Variants in STPG4 observed in about 807,000 individuals in gnomAD.
STPG4 encodes protein STPG4.
Under a neutral mutation model 31.5 loss-of-function variants are expected in STPG4, and 41 were observed. The observed-to-expected ratio is 1.30, with a 90% CI of 1.01 to 1.69. The LOEUF (loss-of-function observed/expected upper bound fraction) is 1.69, where lower values mean the gene tolerates loss of function less well. STPG4 is among the 40% of genes most tolerant of loss of function. The probability of loss-of-function intolerance (pLI) is 0.00; values close to 1 mark genes in which losing one functional copy is unlikely to be tolerated. For missense variants in STPG4, 375 were observed against 293.4 expected (o/e 1.28, Z -2.03); for synonymous variants, 141 against 103.0 (o/e 1.37, Z -2.24).
At chr2:47,148,853 C>T (rs1686879560) in intron 3 of STPG4, among the ~76,000 whole-genome samples, 1 of 152,198 alleles carries the variant, frequency 6.6e-6, no homozygotes, top group Non-Finnish European at 1.5e-5. Flanking sequence ...CTACAAAAGA[C>T]ATGAACTCAT....
intron 1 of STPG4, among the ~76,000 whole-genome samples, chr2:47,153,731 T>A (rs1686978756): frequency 6.6e-6 from 1 of 151,894 alleles, no homozygotes; most frequent in Admixed American, 6.6e-5. Flanking sequence ...CGAGATCACA[T>A]CACTGCAACT....
chr2:47,128,639 G>A (rs1686410105), intron 5 of STPG4, among the ~76,000 whole-genome samples: 1 of 152,132 alleles, frequency 6.6e-6, no homozygotes, highest in Non-Finnish European at 1.5e-5. Context: ...TCTTCAGTCA[G>A]CTTGTGAGGA....
chr2:47,137,784 A>T (rs1410030262), intron 3 of STPG4, among the ~76,000 whole-genome samples: 1 of 152,080 alleles, frequency 6.6e-6, no homozygotes, highest in Admixed American at 6.5e-5. Flanking sequence ...ATATTCCTTT[A>T]CTGTCCTTTT....
In STPG4 at chr2:47,092,076, C is replaced by T. The variant is rs569298727; in HGVS notation, c.520-1702G>A. Among the ~76,000 whole-genome samples the T allele has an allele frequency of 4.1e-5, 5 of 123,060 alleles. No homozygotes were observed. The South Asian group carries it at 1.0e-3, about 25-fold the overall frequency. 80.7% of individuals were successfully genotyped at this position (123,060 alleles called of 152,430 possible). ...GAAATTATCTCAGAATGTTCATAAA[C>T]AGTAGTTTTCTTGGGGTAGTGGTGT... On this transcript the variant is annotated intron_variant, in intron 5 of 6. Transcript: ENST00000445927.
intron 5 of STPG4, among the ~76,000 whole-genome samples, chr2:47,127,903 C>T (rs1377735327): frequency 6.6e-6 from 1 of 152,018 alleles, no homozygotes; most frequent in Non-Finnish European, 1.5e-5. Flanking sequence ...TATATGTTTG[C>T]CGATGTCTGG....
In STPG4 at chr2:47,153,008, G is replaced by C. The variant is rs753086145; in HGVS notation, c.90C>G (p.Ala30=). 1 of 1,610,174 alleles carries C rather than the reference G, an allele frequency of 6.2e-7. No individual in the cohort carries two copies. Among genetic ancestry groups the C allele is most frequent in the Non-Finnish European group, 8.5e-7 (1 of 1,177,458 alleles). Residue 30 remains alanine, a synonymous_variant, in exon 2 of 7, where the codon GCC becomes GCG. Transcript: ENST00000445927. ...GESFITASKP[A]QKTSSFEREG... ...CTCTTTCAAAAGAGGAAGTCTTTTG[G>C]GCTGGTTTCTGTTAACAAACACAAA...
chr2:47,118,369 C>T (rs10865217), intron 5 of STPG4, among the ~76,000 whole-genome samples: 20,404 of 152,088 alleles, frequency 0.13, 1,558 homozygotes, highest in African/African-American at 0.18. Flanking sequence ...TCCCATCACC[C>T]CCAGATGGGA....
At chr2:47,091,522 A>G (rs1226235793) in intron 5 of STPG4, among the ~76,000 whole-genome samples, 3 of 152,090 alleles carry the variant, frequency 2.0e-5, no homozygotes, top group Non-Finnish European at 4.4e-5. Flanking sequence ...TCAAATAGCT[A>G]GGGTTCCTTG....
intron 3 of STPG4, among the ~76,000 whole-genome samples, chr2:47,135,749 T>C (rs558286710): frequency 2.8e-4 from 43 of 152,358 alleles, no homozygotes; most frequent in African/African-American, 1.0e-3. Flanking sequence ...AACTATCTTT[T>C]CTTTGTTGTA....
chr2:47,110,141 T>C (rs1406343930), intron 5 of STPG4, among the ~76,000 whole-genome samples: 1 of 152,224 alleles, frequency 6.6e-6, no homozygotes, highest in African/African-American at 2.4e-5. Context: ...GCAAAGAATC[T>C]GCTTAGTAAA....
At chr2:47,099,462 TAGG>T (rs1393599049) in intron 5 of STPG4, among the ~76,000 whole-genome samples, 5 of 152,152 alleles carry the variant, frequency 3.3e-5, no homozygotes, top group African/African-American at 1.2e-4. Flanking sequence ...TTGCTAACAG[TAGG>T]AGAAGCAACT....
intron 5 of STPG4, among the ~76,000 whole-genome samples, chr2:47,115,544 G>A (rs769815859): frequency 1.3e-5 from 2 of 151,850 alleles, no homozygotes; most frequent in East Asian, 1.9e-4. Context: ...TTCTGAGGAT[G>A]CTAATTGTAT....
chr2:47,112,249 C>A (rs1271634847), intron 5 of STPG4, among the ~76,000 whole-genome samples: 1 of 152,216 alleles, frequency 6.6e-6, no homozygotes, highest in Non-Finnish European at 1.5e-5. Flanking sequence ...TCACTGCAAA[C>A]TCTGCCTCTC....
At chr2:47,147,518 G>A (rs1476015371) in intron 3 of STPG4, among the ~76,000 whole-genome samples, 3 of 152,202 alleles carry the variant, frequency 2.0e-5, no homozygotes, top group Non-Finnish European at 4.4e-5. Flanking sequence ...TGGGATTCAT[G>A]TAGAGATTGT....
chr2:47,094,996 C>G (rs1685641646), intron 5 of STPG4, among the ~76,000 whole-genome samples: 1 of 152,194 alleles, frequency 6.6e-6, no homozygotes, highest in Non-Finnish European at 1.5e-5. Context: ...AGACGTGTAT[C>G]ACTCTGGGGC....
intron 3 of STPG4, among the ~76,000 whole-genome samples, chr2:47,140,936 G>A (rs760254835): frequency 3.3e-5 from 5 of 151,824 alleles, no homozygotes; most frequent in Non-Finnish European, 5.9e-5. Context: ...ACTCTATCGG[G>A]GAGGCGGTGG....
rs71423943 is a variant in STPG4, at chr2:47,127,203, T to C, written c.519+2738A>G. 4.4e-3 allele frequency among the ~76,000 whole-genome samples: 661 copies of C among 151,458 alleles called. 2 individuals carry two copies. Among genetic ancestry groups the C allele is most frequent in the Admixed American group, 0.012 (188 of 15,154 alleles). ...TGTAAGCATGCTTCATTCTTTTTTC[T>C]TTTGTCTCCTTTGACTGTATTTTCA... On this transcript the variant is annotated intron_variant, in intron 5 of 6. Transcript: ENST00000445927.
At chr2:47,092,799 G>GT (rs34105765) in intron 5 of STPG4, among the ~76,000 whole-genome samples, 77 of 148,764 alleles carry the variant, frequency 5.2e-4, no homozygotes, top group African/African-American at 1.4e-3. Context: ...CCACGGTTCT[G>GT]TTTTTTTTTT....
intron 1 of STPG4, 131 bp downstream of exon 1, chr2:47,155,040 G>T (rs1160145253): frequency 2.6e-6 from 2 of 769,980 alleles, no homozygotes; most frequent in South Asian, 3.2e-5. Context: ...CGTGCGTGAG[G>T]GCAGGGAGAG....
Sources: gnomAD v4.1 joint callset for allele counts (sites outside exome capture counted in the v4.1 genomes callset) on GRCh38, gnomAD v4.1.1 for gene constraint, MANE v1.5 for transcripts, NCBI Gene and HGNC (gene_info 2026-07-23, HGNC 2026-07-21) for gene names.